The following RAMP1 variants were observed in gnomAD, a reference collection of about 807,000 sequenced individuals.
RAMP1 encodes the protein receptor activity modifying protein 1.
RAMP1 carries 7 observed loss-of-function variants against 8.2 expected under a neutral mutation model. That is an observed-to-expected ratio of 0.85 (90% CI 0.49 to 1.60). The LOEUF (loss-of-function observed/expected upper bound fraction) is 1.60. Among genes scored for constraint, RAMP1 ranks in the 40% most tolerant of loss-of-function variants. The pLI, the probability that RAMP1 is intolerant of heterozygous loss-of-function variation, is 0.00. For missense variants in RAMP1, 192 were observed against 202.4 expected, an observed-to-expected ratio of 0.95 and a Z score of 0.31; for synonymous variants, 92 against 84.7, an observed-to-expected ratio of 1.09 and a Z score of -0.47.
intron 2 of RAMP1, among the ~76,000 whole-genome samples, chr2:237,884,250 G>A (rs550671995): frequency 9.2e-5 from 14 of 152,256 alleles, no homozygotes; most frequent in African/African-American, 2.4e-4. Flanking sequence ...TGGCTGGGCC[G>A]TCATTTACCA....
intron 1 of RAMP1, among the ~76,000 whole-genome samples, chr2:237,868,714 G>T (rs1189406290): frequency 6.6e-6 from 1 of 152,074 alleles, no homozygotes; most frequent in African/African-American, 2.4e-5. Flanking sequence ...TTGGCAGCTT[G>T]GCTGGATCCC....
chr2:237,883,818 A>G (rs1201447548), intron 2 of RAMP1, among the ~76,000 whole-genome samples: 4 of 143,144 alleles, frequency 2.8e-5, no homozygotes, highest in East Asian at 3.9e-4. Context: ...CCCTACCTCA[A>G]AAAAAAAAAA....
chr2:237,906,755 C>T (rs930015280), intron 2 of RAMP1, among the ~76,000 whole-genome samples: 1 of 118,708 alleles, frequency 8.4e-6, no homozygotes, highest in Non-Finnish European at 1.6e-5. Context: ...GACAGTCTTG[C>T]TCTGTCACCC....
intron 1 of RAMP1, among the ~76,000 whole-genome samples, chr2:237,861,966 C>T (rs924835171): frequency 5.9e-5 from 9 of 152,158 alleles, no homozygotes; most frequent in Non-Finnish European, 1.0e-4. Flanking sequence ...GTATAGACAC[C>T]GAAAAGCTGT....
chr2:237,868,315 A>T (rs2062210014), intron 1 of RAMP1, among the ~76,000 whole-genome samples: 1 of 152,106 alleles, frequency 6.6e-6, no homozygotes, highest in Non-Finnish European at 1.5e-5. Flanking sequence ...AAGTGCTGGG[A>T]TTACAGGCAT....
chr2:237,871,376 C>T (rs539630625), intron 1 of RAMP1, among the ~76,000 whole-genome samples: 1 of 152,188 alleles, frequency 6.6e-6, no homozygotes, highest in Non-Finnish European at 1.5e-5. Context: ...CCCAGCCACA[C>T]AGGAAACGCC....
intron 2 of RAMP1, among the ~76,000 whole-genome samples, chr2:237,909,610 C>T (rs1380172544): frequency 6.6e-6 from 1 of 152,134 alleles, no homozygotes; most frequent in African/African-American, 2.4e-5. Flanking sequence ...GGTCTGGGCT[C>T]TACCCACGGC....
chr2:237,877,411 G>C lies in RAMP1; in HGVS notation c.191+49G>C, dbSNP rs757922636. Reference sequence around the variant, plus strand: ...GCAGGACACGGTTGGGGAGGGAGAGGGGGCAAGCGGAGGAGGAGTGGACCA... The same window carrying C: ...GCAGGACACGGTTGGGGAGGGAGAGCGGGCAAGCGGAGGAGGAGTGGACCA... On this transcript the variant is annotated intron_variant, in intron 2 of 2. Transcript: ENST00000254661. The surrounding 1 kb of genome is among the most constrained non-coding windows in gnomAD (Gnocchi z 4.4). The C allele has an allele frequency of 3.2e-6, 5 of 1,579,704 alleles. No individual in the cohort carries two copies. The highest frequency in any genetic ancestry group is 4.3e-6 in the Non-Finnish European group (5 of 1,162,910).
At chr2:237,903,756 G>A (rs1305955181) in intron 2 of RAMP1, among the ~76,000 whole-genome samples, 1 of 152,132 alleles carries the variant, frequency 6.6e-6, no homozygotes. Context: ...GTGCAGTGGT[G>A]CGATCTCCGC....
intron 2 of RAMP1, among the ~76,000 whole-genome samples, chr2:237,907,726 C>T (rs1263127478): frequency 6.6e-6 from 1 of 152,200 alleles, no homozygotes; most frequent in Non-Finnish European, 1.5e-5. Context: ...TTCCACTAGA[C>T]CCGTTGTCAT....
intron 2 of RAMP1, among the ~76,000 whole-genome samples, chr2:237,882,780 A>C (rs2062384058): frequency 6.6e-6 from 1 of 150,996 alleles, no homozygotes; most frequent in South Asian, 2.1e-4. Context: ...GAGAACACGA[A>C]GGCACAAATA....
At chr2:237,884,120 G>C (rs1471455059) in intron 2 of RAMP1, among the ~76,000 whole-genome samples, 4 of 152,090 alleles carry the variant, frequency 2.6e-5, no homozygotes, top group African/African-American at 9.6e-5. Flanking sequence ...TGTGAGCAAG[G>C]CTTGGGGGTG....
intron 1 of RAMP1, chr2:237,874,614 A>T: frequency 1.0e-6 from 1 of 965,966 alleles, no homozygotes; most frequent in South Asian, 4.8e-5. Flanking sequence ...GCAGTGGTTC[A>T]TGACCCTGAC....
At position 237,865,175 on chromosome 2, in the gene RAMP1, G is replaced by C. The variant is rs752920026; in HGVS notation, c.52+5448G>C. ...GTGATGGACTCCAGTCCCTGGGCCT[G>C]GATGCAGGAAGTGAGGCAGCGCTGA... On this transcript the variant is annotated intron_variant, in intron 1 of 2. Transcript: ENST00000254661. The surrounding 1 kb of genome is among the most constrained non-coding windows in gnomAD (Gnocchi z 4.2). Among the ~76,000 whole-genome samples, 2 of 152,010 alleles carry C rather than the reference G, an allele frequency of 1.3e-5. No individual in the cohort carries two copies. The highest frequency in any genetic ancestry group is 3.4e-3 in the Middle Eastern group (1 of 294).
rs1266018143 is a variant in RAMP1, at chr2:237,859,710, G to T, written c.35G>T (p.Gly12Val). 7 of 1,513,382 alleles carry T rather than the reference G, an allele frequency of 4.6e-6. No individual in the cohort carries two copies. Among genetic ancestry groups the T allele is most frequent in the Non-Finnish European group, 5.3e-6 (6 of 1,131,660 alleles). 93.7% of individuals were successfully genotyped at this position (1,513,382 alleles called of 1,614,324 possible). The change falls in exon 1 of 3, where the codon GGC becomes GTC. Residue 12 changes from glycine to valine, a missense_variant. By Grantham distance (109) the Gly-to-Val change is moderately radical (BLOSUM62 -3). Transcript: ENST00000254661. ...ARALCRLPRR[G>V]LWLLLAHHLF... is the part of the protein sequence containing the mutation. ...GCCCTGTGCCGCCTCCCGCGGCGCG[G>T]CCTCTGGCTGCTCCTGGGTGAGTAG...
rs1027944425 is a variant in RAMP1, at chr2:237,869,040, A to G, written c.53-8184A>G. Among the ~76,000 whole-genome samples, 5 of 152,142 alleles carry G rather than the reference A, an allele frequency of 3.3e-5. No individual in the cohort carries two copies. The East Asian group carries it at 5.8e-4, about 18-fold the overall frequency. On this transcript the variant is annotated intron_variant, in intron 1 of 2. Transcript: ENST00000254661. ...TTTTTATGTATCCATCCCGGTCATC[A>G]TATTAAATTTAATACTTAGGGCCTC...
rs2062177888 is a variant in RAMP1, at chr2:237,865,377, G to A, written c.52+5650G>A. 6.6e-6 allele frequency among the ~76,000 whole-genome samples: 1 copy of A among 151,194 alleles called. No individual in the cohort carries two copies. Among genetic ancestry groups the A allele is most frequent in the South Asian group, 2.1e-4 (1 of 4,772 alleles). ...AGAGAGGAGAGTGCAGGGGAGGGGA[G>A]ATGACACCCCAGGCCACAGCCAGGG... On this transcript the variant is annotated intron_variant, in intron 1 of 2. Coordinates refer to ENST00000254661, the MANE Select transcript of RAMP1 (RefSeq NM_005855.4). This position sits in a 1 kb window ranked among gnomAD's most constrained non-coding sequence, Gnocchi z 4.2.
rs984419494 is a variant in RAMP1, at chr2:237,865,259, A to C, written c.52+5532A>C. 4.5e-5 allele frequency among the ~76,000 whole-genome samples: 6 copies of C among 134,380 alleles called. No individual in the cohort carries two copies. Among genetic ancestry groups the C allele is most frequent in the African/African-American group, 1.7e-4 (6 of 36,160 alleles). The allele number at this position is 134,380 out of a possible 152,430, so 88.2% of individuals were successfully genotyped here. A position where few individuals can be genotyped will look rare whatever the true frequency, so the allele number is the denominator to read the frequency against. Reference sequence around the variant, plus strand: ...GGGAGTAGGGAGGGCAGGGCAGGGGAGAAGAGAGGAGAGGAGGGGAGGGGA... The same window carrying C: ...GGGAGTAGGGAGGGCAGGGCAGGGGCGAAGAGAGGAGAGGAGGGGAGGGGA... On this transcript the variant is annotated intron_variant, in intron 1 of 2. Coordinates refer to ENST00000254661, the MANE Select transcript of RAMP1 (RefSeq NM_005855.4). This position sits in a 1 kb window ranked among gnomAD's most constrained non-coding sequence, Gnocchi z 4.2.
chr2:237,906,296 C>T (rs1416788900), intron 2 of RAMP1, among the ~76,000 whole-genome samples: 1 of 152,160 alleles, frequency 6.6e-6, no homozygotes, highest in Non-Finnish European at 1.5e-5. Flanking sequence ...TCTCCCTCCT[C>T]ATGCCTCATC....
Sources: gnomAD v4.1 joint callset for allele counts (sites outside exome capture counted in the v4.1 genomes callset) on GRCh38, gnomAD v4.1.1 for gene constraint, Gnocchi (gnomAD v3.1) non-coding constraint, MANE v1.5 for transcripts, NCBI Gene and HGNC (gene_info 2026-07-23, HGNC 2026-07-21) for gene names.